UBE4B: variants seen among roughly 807,000 people sequenced by gnomAD.
UBE4B encodes the protein ubiquitination factor E4B, also known as ubiquitin conjugation factor E4 B.
In UBE4B, 27 loss-of-function variants were observed where a neutral mutation model predicts 148.1. That is an observed-to-expected ratio of 0.18 (90% CI 0.13 to 0.25). The LOEUF is 0.25. UBE4B is among the 10% of genes least tolerant of loss of function. UBE4B has a pLI of 1.00. For synonymous variants in UBE4B, 596 were observed against 619.3 expected, an observed-to-expected ratio of 0.96 and a Z score of 0.56; for missense variants, 1,170 against 1,662.4, an observed-to-expected ratio of 0.70 and a Z score of 5.15.
chr1:10,139,355 T>C (rs114227524), intron 17 of UBE4B, among the ~76,000 whole-genome samples: 2,617 of 152,010 alleles, frequency 0.017, 35 homozygotes, highest in Non-Finnish European at 0.027. Context: ...CGAGCCACTG[T>C]ACTCCAGCCT....
At chr1:10,060,453 G>A (rs1164683731) in intron 1 of UBE4B, among the ~76,000 whole-genome samples, 2 of 152,128 alleles carry the variant, frequency 1.3e-5, no homozygotes, top group Non-Finnish European at 2.9e-5. Flanking sequence ...CGGACCACCA[G>A]TAAGATCTGG....
At chr1:10,152,259 A>AAAT (rs60838123) in intron 21 of UBE4B, among the ~76,000 whole-genome samples, 42,727 of 141,064 alleles carry the variant, frequency 0.3, 7,093 homozygotes, top group Non-Finnish European at 0.39. Flanking sequence ...ACTCCGTCTC[A>AAAT]AATAATAATA....
intron 2 of UBE4B, among the ~76,000 whole-genome samples, chr1:10,090,556 A>G (rs1050433022): frequency 2.0e-5 from 3 of 152,170 alleles, no homozygotes; most frequent in Admixed American, 6.6e-5. Flanking sequence ...TTTAAGACCA[A>G]TGCCCCCAAC....
At chr1:10,061,877 G>GTGCTGATC (rs1236141788) in intron 1 of UBE4B, among the ~76,000 whole-genome samples, 2 of 151,046 alleles carry the variant, frequency 1.3e-5, no homozygotes, top group Non-Finnish European at 2.9e-5. Flanking sequence ...TGTGTAGTGT[G>GTGCTGATC]TGCTGATCTC....
rs540965131 is a variant in UBE4B at position 10,036,799 on chromosome 1, T to C, written c.24+3105T>C. Among the ~76,000 whole-genome samples, 35 of 152,302 alleles carry C rather than the reference T, an allele frequency of 2.3e-4. No individual in the cohort carries two copies. In the South Asian group the frequency reaches 5.2e-3, roughly 23 times the overall value. Reference sequence around the variant, plus strand: ...ATTTGATTACAAAATAATACACTTATATTATTGAAACTTCAAGCTTATATT... The same window carrying C: ...ATTTGATTACAAAATAATACACTTACATTATTGAAACTTCAAGCTTATATT... On this transcript the variant is annotated intron_variant, in intron 1 of 27. Coordinates refer to ENST00000343090, the MANE Select transcript of UBE4B (RefSeq NM_001105562.3).
At chr1:10,129,523 T>G in intron 12 of UBE4B, 75 bp downstream of exon 12, 1 of 1,456,516 alleles carries the variant, frequency 6.9e-7, no homozygotes, top group South Asian at 1.2e-5. Flanking sequence ...TCTAGTGAGA[T>G]GGCCTGGAAA....
Position 10,135,093 on chromosome 1 carries a change from A to G in UBE4B, c.2131A>G (p.Ile711Val), listed in dbSNP as rs1175182172. The G allele has an allele frequency of 1.2e-6, 2 of 1,614,016 alleles. No homozygotes were observed. Among genetic ancestry groups the G allele is most frequent in the South Asian group, 2.2e-5 (2 of 91,078 alleles). Reference protein sequence around the residue: ...IKLETVDPTYIFHPRCRITLP... With the variant: ...IKLETVDPTYVFHPRCRITLP... ...GTTAGAAACAGTTGATCCCACGTAT[A>G]TTTTTCACCCAAGATGTCGGATTAC... Residue 711 changes from isoleucine (I) to valine (V), a missense_variant, in exon 16 of 28, where the codon ATT becomes GTT. Physicochemically the swap from Ile to Val is conservative, Grantham distance 29. This residue lies in a region of UBE4B where 388 missense variants were observed against 536.0 expected (regional missense o/e 0.72). Coordinates refer to ENST00000343090, the MANE Select transcript of UBE4B (RefSeq NM_001105562.3).
intron 1 of UBE4B, among the ~76,000 whole-genome samples, chr1:10,048,531 A>G (rs1439239968): frequency 6.6e-6 from 1 of 152,114 alleles, no homozygotes; most frequent in Non-Finnish European, 1.5e-5. Flanking sequence ...GATCAGGAGG[A>G]CTCAGAAAAG....
chr1:10,051,577 G>A (rs1644045750), intron 1 of UBE4B, among the ~76,000 whole-genome samples: 2 of 152,130 alleles, frequency 1.3e-5, no homozygotes, highest in South Asian at 2.1e-4. Flanking sequence ...TCACCCAGGG[G>A]CCATCTTTTG....
intron 2 of UBE4B, among the ~76,000 whole-genome samples, chr1:10,077,375 A>G (rs543819241): frequency 1.2e-4 from 19 of 152,230 alleles, no homozygotes; most frequent in African/African-American, 3.9e-4. Context: ...TGGATTAGGG[A>G]CCACCGTAAT....
intron 25 of UBE4B, among the ~76,000 whole-genome samples, chr1:10,172,464 A>C (rs1646352840): frequency 6.6e-6 from 1 of 152,224 alleles, no homozygotes; most frequent in South Asian, 2.1e-4. Context: ...AGTGTGGGAC[A>C]GAGGCATGAT....
At chr1:10,174,751 G>A (rs1646392325) in intron 25 of UBE4B, among the ~76,000 whole-genome samples, 3 of 151,598 alleles carry the variant, frequency 2.0e-5, no homozygotes, top group Admixed American at 6.6e-5. Flanking sequence ...ACAGTGTGGT[G>A]TGTGTGCTGA....
Position 10,168,338 on chromosome 1 carries a change from T to TTAG in UBE4B, c.3333+69_3333+71dup, listed in dbSNP as rs1294065642. The TTAG allele has an allele frequency of 1.4e-5, 21 of 1,547,108 alleles. No homozygotes were observed. Among genetic ancestry groups the TTAG allele is most frequent in the Admixed American group, 1.0e-4 (5 of 48,028 alleles). On this transcript the variant is annotated intron_variant, in intron 24 of 27. Transcript: ENST00000343090. This position sits in a 1 kb window ranked among gnomAD's most constrained non-coding sequence, Gnocchi z 4.9. Reference sequence around the variant, plus strand: ...CATTCAGACTCTCTCACTTATAACTTTAGCAGTTGTTGAAGTTCTGGAAAT... The same window carrying TTAG: ...CATTCAGACTCTCTCACTTATAACTTTAGTAGCAGTTGTTGAAGTTCTGGAAAT...
intron 18 of UBE4B, among the ~76,000 whole-genome samples, chr1:10,146,156 T>G (rs1231892027): frequency 6.6e-6 from 1 of 152,154 alleles, no homozygotes; most frequent in Admixed American, 6.5e-5. Flanking sequence ...AGGGGATCTA[T>G]AAACTGCTTA....
At chr1:10,042,059 C>T (rs1035979883) in intron 1 of UBE4B, among the ~76,000 whole-genome samples, 3 of 152,166 alleles carry the variant, frequency 2.0e-5, no homozygotes, top group South Asian at 2.1e-4. Flanking sequence ...GTCAGCCCCT[C>T]GAGTATCTGG....
intron 17 of UBE4B, among the ~76,000 whole-genome samples, chr1:10,142,986 T>C (rs1645807369): frequency 6.6e-6 from 1 of 151,836 alleles, no homozygotes; most frequent in Admixed American, 6.6e-5. Context: ...CGCACCCCTG[T>C]AGTCGCCACT....
At position 10,180,074 on chromosome 1, in the gene UBE4B, C is replaced by T. The variant is rs1390798172; in HGVS notation, c.*118C>T. 6 of 1,295,020 alleles carry T rather than the reference C, an allele frequency of 4.6e-6. No homozygotes were observed. The highest frequency in any genetic ancestry group is 6.5e-6 in the Non-Finnish European group (6 of 916,528). The allele number at this position is 1,295,020 out of a possible 1,614,324, so 80.2% of individuals were successfully genotyped here. The stretch of plus-strand genomic sequence containing the variant: ...GAGGCCAAATGTGGCAAACCAACCC[C>T]AGGCCCACCCAGAGCGAGCAAACGC... On this transcript the variant is annotated 3_prime_UTR_variant, in exon 28 of 28. Coordinates refer to ENST00000343090, the MANE Select transcript of UBE4B (RefSeq NM_001105562.3).
chr1:10,173,712 G>A (rs9430246), intron 25 of UBE4B, among the ~76,000 whole-genome samples: 11 of 152,124 alleles, frequency 7.2e-5, no homozygotes, highest in Non-Finnish European at 1.0e-4. Context: ...CTCTTCCATC[G>A]TTGCCGTAGA....
At chr1:10,077,196 A>T (rs552489594) in intron 2 of UBE4B, among the ~76,000 whole-genome samples, 1 of 152,102 alleles carries the variant, frequency 6.6e-6, no homozygotes, top group African/African-American at 2.4e-5. Context: ...TGGTAGGGCG[A>T]TGCCTCCCAA....
Sources: allele counts gnomAD v4.1 joint callset (sites outside exome capture counted in the v4.1 genomes callset), GRCh38; gene constraint gnomAD v4.1.1; regional missense constraint gnomAD v4.1.1; non-coding constraint Gnocchi (gnomAD v3.1); transcripts MANE v1.5; gene names NCBI Gene and HGNC (gene_info 2026-07-23, HGNC 2026-07-21).